Variants in DISP2 observed in about 807,000 individuals in gnomAD.
DISP2 encodes the protein protein dispatched homolog 2.
In DISP2, 59 loss-of-function variants were observed where a neutral mutation model predicts 95.5. The observed-to-expected ratio is 0.62, with a 90% CI of 0.50 to 0.77. DISP2 has a LOEUF of 0.77. Among genes scored for constraint, DISP2 ranks in the 30% least tolerant of loss-of-function variants. The probability of loss-of-function intolerance (pLI) is 0.00; values close to 1 mark genes in which losing one functional copy is unlikely to be tolerated. For synonymous variants in DISP2, 827 were observed against 815.0 expected, an observed-to-expected ratio of 1.01 and a Z score of -0.25; for missense variants, 1,752 against 1,854.6, an observed-to-expected ratio of 0.94 and a Z score of 1.02.
Position 40,368,091 on chromosome 15 carries a change from G to A in DISP2, c.1979G>A (p.Trp660Ter). 2 of 1,369,552 alleles carry A rather than the reference G, an allele frequency of 1.5e-6. No homozygotes were observed. The highest frequency in any genetic ancestry group is 1.9e-6 in the Non-Finnish European group (2 of 1,071,546). The allele number at this position is 1,369,552 out of a possible 1,614,324, so 84.8% of individuals were successfully genotyped here. Residue 660 changes from tryptophan (W) to a stop codon, truncating the protein, a stop_gained, in exon 8 of 8, where the codon TGG (tryptophan) becomes TAG (stop). Coordinates refer to ENST00000267889, the MANE Select transcript of DISP2 (RefSeq NM_033510.3). LOFTEE classifies it high-confidence loss of function. ...TGTGCGCGCCGGGCGCGGGGCCGGT[G>A]GGAGGGCAGCGCGCCCCGGCGGCTA... The part of the protein sequence containing the change: ...RGCARRARGR[W>*]EGSAPRRLLL...
Position 40,368,058 on chromosome 15 carries a change from CGCGCGGCTGTGCGCGCCGG to C in DISP2, c.1953_1971del (p.Cys652AlafsTer139). 1.3e-6 allele frequency: 2 copies of C among 1,502,250 alleles called. No homozygotes were observed. The highest frequency in any genetic ancestry group is 1.8e-6 in the Non-Finnish European group (2 of 1,132,062). The allele number at this position is 1,502,250 out of a possible 1,614,324, so 93.1% of individuals were successfully genotyped here. ...GCCGTGCTCCACGAGCGCTACCTGG[CGCGCGGCTGTGCGCGCCGG>C]GCGCGGGGCCGGTGGGAGGGCAGCG... On this transcript the variant is annotated frameshift_variant, in exon 8 of 8. Transcript: ENST00000267889. LOFTEE classifies it high-confidence loss of function.
In DISP2 at chr15:40,369,603, A is replaced by G; in HGVS notation, c.3491A>G (p.Glu1164Gly). 6.2e-7 allele frequency: 1 copy of G among 1,611,564 alleles called. No homozygotes were observed. Among genetic ancestry groups the G allele is most frequent in the Non-Finnish European group, 8.5e-7 (1 of 1,179,970 alleles). The change falls in exon 8 of 8, where the codon GAG (glutamate) becomes GGG (glycine). Residue 1164 changes from glutamate (E) to glycine (G), a missense_variant. This residue lies in a region of DISP2 where 347 missense variants were observed against 344.2 expected (regional missense o/e 1.01). Transcript: ENST00000267889. ...GMPGSCSEQY[E>G]LQPLARRRSP... is the part of the protein sequence containing the mutation. ...CCCGGGTCCTGCTCAGAGCAATATG[A>G]GCTACAGCCCCTGGCACGGCGTCGG...
Position 40,376,032 on chromosome 15 carries a change from C to T in DISP2, c.*5714C>T, listed in dbSNP as rs544411598. ...CCTTGAAAGAGCAAAGCCTGGAGAG[C>T]TTCTTTGAGAAAGTTCACAGGGGCA... On this transcript the variant is annotated 3_prime_UTR_variant, in exon 8 of 8. Coordinates refer to ENST00000267889, the MANE Select transcript of DISP2 (RefSeq NM_033510.3). 136 of 152,330 alleles carry T rather than the reference C, an allele frequency of 8.9e-4. No individual in the cohort carries two copies. The highest frequency in any genetic ancestry group is 3.2e-3 in the African/African-American group (132 of 41,564). 9.4% of individuals were successfully genotyped at this position (152,330 alleles called of 1,614,324 possible).
In DISP2 at chr15:40,367,911, C is replaced by T; in HGVS notation, c.1799C>T (p.Thr600Met). The change falls in exon 8 of 8, where the codon ACG becomes ATG. Residue 600 changes from threonine to methionine, a missense_variant. Thr to Met is a moderately conservative substitution (Grantham distance 81). This residue lies in a region of DISP2 where 732 missense variants were observed against 714.6 expected (regional missense o/e 1.02). Coordinates refer to ENST00000267889, the MANE Select transcript of DISP2 (RefSeq NM_033510.3). ...CTGCTGCTGGTCTCCGGCCTCACCA[C>T]GAGCGCGGCCTTCTATGCCAGCTAC... ...GYLLLVSGLT[T>M]SAAFYASYLS... The T allele has an allele frequency of 6.3e-7, 1 of 1,596,742 alleles. No homozygotes were observed. Among genetic ancestry groups the T allele is most frequent in the Non-Finnish European group, 8.5e-7 (1 of 1,178,854 alleles).
At chr15:40,363,375 G>A (rs1299059628) in intron 1 of DISP2, among the ~76,000 whole-genome samples, 1 of 151,840 alleles carries the variant, frequency 6.6e-6, no homozygotes, top group African/African-American at 2.4e-5. Context: ...GGCCTAGCAT[G>A]TAGCAGCCTG....
intron 4 of DISP2, 129 bp from the exon 5 acceptor site, chr15:40,364,709 C>T: frequency 7.2e-7 from 1 of 1,396,986 alleles, no homozygotes; most frequent in Non-Finnish European, 9.7e-7. Flanking sequence ...AGTTCAGACT[C>T]ACATCCACAA....
In DISP2 at chr15:40,374,001, C is replaced by CT. The variant is rs1475541797; in HGVS notation, c.*3685dup. 2 of 81,040 alleles carry CT rather than the reference C, an allele frequency of 2.5e-5. No homozygotes were observed. The highest frequency in any genetic ancestry group is 5.8e-5 in the African/African-American group (1 of 17,228). 5.0% of individuals were successfully genotyped at this position (81,040 alleles called of 1,614,324 possible). A position where few individuals can be genotyped will look rare whatever the true frequency, so the allele number is the denominator to read the frequency against. On this transcript the variant is annotated 3_prime_UTR_variant, in exon 8 of 8. Transcript: ENST00000267889. Reference sequence around the variant, plus strand: ...CCTGGGCAACAGAGCGAGACTCCATCTTAAAAAAAAAAAATATATATATAT... The same window carrying CT: ...CCTGGGCAACAGAGCGAGACTCCATCTTTAAAAAAAAAAAATATATATATAT...
chr15:40,369,925 T>C lies in DISP2; in HGVS notation c.3813T>C (p.Pro1271=). The C allele has an allele frequency of 6.3e-7, 1 of 1,593,258 alleles. No individual in the cohort carries two copies. Among genetic ancestry groups the C allele is most frequent in the Middle Eastern group, 1.7e-4 (1 of 5,952 alleles). The change falls in exon 8 of 8, where the codon CCT becomes CCC. Residue 1271 remains proline, a synonymous_variant. Coordinates refer to ENST00000267889, the MANE Select transcript of DISP2 (RefSeq NM_033510.3). The part of the protein sequence containing the change: ...PASPEAPAHS[P]KAKAADPPDG... ...CACCAGAAGCCCCAGCCCACTCTCC[T>C]AAGGCCAAGGCTGCAGATCCTCCTG...
Position 40,358,343 on chromosome 15 carries a change from AGC to A in DISP2, c.23_24del (p.Ser8LysfsTer41). 1 of 1,394,944 alleles carries A rather than the reference AGC, an allele frequency of 7.2e-7. No individual in the cohort carries two copies. Among genetic ancestry groups the A allele is most frequent in the Non-Finnish European group, 9.3e-7 (1 of 1,072,536 alleles). The allele number at this position is 1,394,944 out of a possible 1,614,324, so 86.4% of individuals were successfully genotyped here. A position where few individuals can be genotyped will look rare whatever the true frequency, so the allele number is the denominator to read the frequency against. MDGDSSS[S>X]SGGSGPAPGP... ...GGGCATGGACGGTGACAGCAGCAGC[AGC>A]AGCGGCGGCAGCGGTCCGGCTCCCG... On this transcript the variant is annotated frameshift_variant, in exon 1 of 8. Transcript: ENST00000267889. LOFTEE classifies it high-confidence loss of function.
rs1288042657 is a variant in DISP2 at position 40,375,731 on chromosome 15, G to T, written c.*5413G>T. The T allele has an allele frequency of 1.3e-5, 2 of 152,176 alleles. No individual in the cohort carries two copies. Among genetic ancestry groups the T allele is most frequent in the Admixed American group, 1.3e-4 (2 of 15,262 alleles). 9.4% of individuals were successfully genotyped at this position (152,176 alleles called of 1,614,324 possible). On this transcript the variant is annotated 3_prime_UTR_variant, in exon 8 of 8. Transcript: ENST00000267889. ...CACTTGGTGTCAGAGGCCTTCACACGAGGGTTTGCACTCCCCTACAAGGAC... is the reference window on the plus strand; with the variant it reads ...CACTTGGTGTCAGAGGCCTTCACACTAGGGTTTGCACTCCCCTACAAGGAC...
Position 40,368,528 on chromosome 15 carries a change from C to T in DISP2, c.2416C>T (p.Pro806Ser), listed in dbSNP as rs1428410715. The T allele has an allele frequency of 2.5e-6, 4 of 1,605,558 alleles. No individual in the cohort carries two copies. Among genetic ancestry groups the T allele is most frequent in the African/African-American group, 1.3e-5 (1 of 74,936 alleles). ...GGACCCTGCCTTCTCGGCCAGCGGC[C>T]CTGAGGCCCAGCGCTGGCTGCTGGC... ...VRDPAFSASG[P>S]EAQRWLLALC... Residue 806 changes from proline (P) to serine (S), a missense_variant, in exon 8 of 8, where the codon CCT (proline) becomes TCT (serine). Physicochemically the swap from Pro to Ser is moderately conservative, Grantham distance 74. Around this residue, in one of 5 missense-constraint regions of DISP2, gnomAD observed 732 missense variants for 714.6 expected, o/e 1.02. Coordinates refer to ENST00000267889, the MANE Select transcript of DISP2 (RefSeq NM_033510.3).
intron 1 of DISP2, among the ~76,000 whole-genome samples, chr15:40,358,838 G>A (rs1454770444): frequency 6.6e-6 from 1 of 152,262 alleles, no homozygotes; most frequent in African/African-American, 2.4e-5. Flanking sequence ...AGGTGTGCGT[G>A]AATCGCGGAT....
chr15:40,367,036 C>A (rs954343650), intron 7 of DISP2, 22 bp from the exon 8 acceptor site: 3 of 1,602,872 alleles, frequency 1.9e-6, no homozygotes, highest in Non-Finnish European at 2.5e-6. Flanking sequence ...CTGAACTCTC[C>A]CCTCCTGCGT....
At position 40,369,281 on chromosome 15, in the gene DISP2, C is replaced by T. The variant is rs1451060479; in HGVS notation, c.3169C>T (p.Arg1057Cys). The stretch of plus-strand genomic sequence containing the variant: ...CCTGAGCCGTGTGGCCTTCTCTCTG[C>T]GCCAGACCAGCTGCGCCACAGCCGT... ...DRLSRVAFSL[R>C]QTSCATAVGA... is the part of the protein sequence containing the mutation. Residue 1057 changes from arginine (R) to cysteine (C), a missense_variant, in exon 8 of 8, where the codon CGC (arginine) becomes TGC (cysteine). Around this residue, in one of 5 missense-constraint regions of DISP2, gnomAD observed 317 missense variants for 394.9 expected, o/e 0.80. Coordinates refer to ENST00000267889, the MANE Select transcript of DISP2 (RefSeq NM_033510.3). 8.1e-6 allele frequency: 13 copies of T among 1,613,706 alleles called. No homozygotes were observed. Among genetic ancestry groups the T allele is most frequent in the South Asian group, 4.4e-5 (4 of 91,088 alleles).
In DISP2 at chr15:40,369,493, T is replaced by C. The variant is rs756385341; in HGVS notation, c.3381T>C (p.Cys1127=). 2 of 1,613,178 alleles carry C rather than the reference T, an allele frequency of 1.2e-6. No homozygotes were observed. Among genetic ancestry groups the C allele is most frequent in the South Asian group, 2.2e-5 (2 of 91,092 alleles). ...ACTGTGGGCAGATCCTCTGGCCCTGTGCCCACCTGCCATGGGATGCTGGTA... is the reference window on the plus strand; with the variant it reads ...ACTGTGGGCAGATCCTCTGGCCCTGCGCCCACCTGCCATGGGATGCTGGTA... ...EKNCGQILWP[C]AHLPWDAGTG... The change falls in exon 8 of 8, where the codon TGT becomes TGC. Residue 1127 remains cysteine, a synonymous_variant. Transcript: ENST00000267889.
In DISP2 at chr15:40,363,698, G is replaced by A; in HGVS notation, c.193G>A (p.Asp65Asn). ...SCSLHSCPLE[D>N]PSSSSGPPPT... Reference sequence around the variant, plus strand: ...CTCCCTCCACAGCTGCCCCCTGGAGGACCCTTCCAGCTCTTCAGGACCCCC... The same window carrying A: ...CTCCCTCCACAGCTGCCCCCTGGAGAACCCTTCCAGCTCTTCAGGACCCCC... The change falls in exon 2 of 8, where the codon GAC (aspartate) becomes AAC (asparagine). Residue 65 changes from aspartate to asparagine, a missense_variant. Transcript: ENST00000267889. 1.2e-6 allele frequency: 2 copies of A among 1,608,930 alleles called. No homozygotes were observed. The highest frequency in any genetic ancestry group is 1.7e-6 in the Non-Finnish European group (2 of 1,177,164).
chr15:40,370,280 C>A lies in DISP2; in HGVS notation c.4168C>A (p.Arg1390Ser). 1 of 1,557,276 alleles carries A rather than the reference C, an allele frequency of 6.4e-7. No individual in the cohort carries two copies. ...GCCAGACCTGCCAGATGTTTGGCTG[C>A]GCAGGCCCAGCACTCACACGTCAGG... ...SQPDLPDVWL[R>S]RPSTHTSGYS... Residue 1390 changes from arginine to serine, a missense_variant, in exon 8 of 8, where the codon CGC becomes AGC. Physicochemically the swap from Arg to Ser is moderately radical, Grantham distance 110. Around this residue, in one of 5 missense-constraint regions of DISP2, gnomAD observed 347 missense variants for 344.2 expected, o/e 1.01. Coordinates refer to ENST00000267889, the MANE Select transcript of DISP2 (RefSeq NM_033510.3).
chr15:40,369,688 C>T lies in DISP2; in HGVS notation c.3576C>T (p.Leu1192=). The T allele has an allele frequency of 6.2e-7, 1 of 1,611,986 alleles. No homozygotes were observed. Reference sequence around the variant, plus strand: ...AGCTGTCCCACCGGCCCTCAGTACTCTCTGAGGATCTGCAGCTCCATGATG... The same window carrying T: ...AGCTGTCCCACCGGCCCTCAGTACTTTCTGAGGATCTGCAGCTCCATGATG... ...TSKLSHRPSV[L]SEDLQLHDGP... is the part of the protein sequence containing the mutation. Residue 1192 remains leucine (L), a synonymous_variant, in exon 8 of 8, where the codon CTC becomes CTT. Transcript: ENST00000267889.
Position 40,368,276 on chromosome 15 carries a change from G to A in DISP2, c.2164G>A (p.Gly722Arg). The A allele has an allele frequency of 2.5e-6, 4 of 1,608,308 alleles. No individual in the cohort carries two copies. The highest frequency in any genetic ancestry group is 3.4e-6 in the Non-Finnish European group (4 of 1,178,196). The change falls in exon 8 of 8, where the codon GGA becomes AGA. Residue 722 changes from glycine to arginine, a missense_variant. Coordinates refer to ENST00000267889, the MANE Select transcript of DISP2 (RefSeq NM_033510.3). ...ALAAGGAYIA[G>R]VSPRLRLPTL... ...GGCGGCAGGGGGCGCCTACATCGCC[G>A]GAGTCAGCCCCCGCCTGCGGCTGCC... is the stretch of plus-strand genomic sequence containing the variant.
Sources: gnomAD v4.1 joint callset for allele counts (sites outside exome capture counted in the v4.1 genomes callset) on GRCh38, gnomAD v4.1.1 for gene constraint, gnomAD v4.1.1 regional missense constraint, MANE v1.5 for transcripts, NCBI Gene and HGNC (gene_info 2026-07-23, HGNC 2026-07-21) for gene names.